Variants in DLEU7 observed in about 807,000 individuals in gnomAD.
The protein encoded by DLEU7 is leukemia-associated protein 7.
Under a neutral mutation model 16.0 loss-of-function variants are expected in DLEU7, and 17 were observed. The observed-to-expected ratio is 1.06, with a 90% CI of 0.73 to 1.59. The LOEUF is 1.59. Among genes scored for constraint, DLEU7 ranks in the 40% most tolerant of loss-of-function variants. The pLI, the probability that DLEU7 is intolerant of heterozygous loss-of-function variation, is 0.00. For missense variants in DLEU7, 308 were observed against 314.9 expected (o/e 0.98, Z 0.17); for synonymous variants, 113 against 139.8 (o/e 0.81, Z 1.35).
intron 1 of DLEU7, among the ~76,000 whole-genome samples, chr13:50,806,096 T>C (rs1380704383): frequency 6.6e-6 from 1 of 152,190 alleles, no homozygotes; most frequent in Non-Finnish European, 1.5e-5. Flanking sequence ...GCATCTTCAC[T>C]CTGGTACTTC....
chr13:50,717,312 G>A (rs1327903023), intron 1 of DLEU7, among the ~76,000 whole-genome samples: 1 of 152,186 alleles, frequency 6.6e-6, no homozygotes, highest in Non-Finnish European at 1.5e-5. Context: ...GACACAGATG[G>A]TAAGTGGAAA....
chr13:50,817,114 GT>G (rs950924047), intron 1 of DLEU7, among the ~76,000 whole-genome samples: 7 of 151,630 alleles, frequency 4.6e-5, no homozygotes, highest in African/African-American at 1.7e-4. Flanking sequence ...TTTTGTAATG[GT>G]TTTTTTTAAG....
At chr13:50,758,025 A>ATTTTTTTTTTTTTT (rs5803530) in intron 1 of DLEU7, among the ~76,000 whole-genome samples, 1 of 89,108 alleles carries the variant, frequency 1.1e-5, no homozygotes, top group Non-Finnish European at 2.1e-5. Flanking sequence ...CATTACCAAG[A>ATTTTTTTTTTTTTT]TTTTTTTTTT....
intron 1 of DLEU7, among the ~76,000 whole-genome samples, chr13:50,749,170 T>C (rs911859066): frequency 1.3e-5 from 2 of 152,106 alleles, no homozygotes; most frequent in Non-Finnish European, 2.9e-5. Flanking sequence ...TTACTTTACT[T>C]AGAATAATAG....
intron 1 of DLEU7, among the ~76,000 whole-genome samples, chr13:50,788,925 G>A (rs1229692726): frequency 6.6e-6 from 1 of 152,116 alleles, no homozygotes; most frequent in Non-Finnish European, 1.5e-5. Context: ...CCCAGAGCGG[G>A]AGCCTGGGTT....
intron 1 of DLEU7, among the ~76,000 whole-genome samples, chr13:50,770,815 G>A (rs1007609829): frequency 2.2e-4 from 33 of 152,108 alleles, no homozygotes; most frequent in African/African-American, 6.8e-4. Flanking sequence ...CTCTTTTTCT[G>A]TTGATTGGAA....
intron 1 of DLEU7, among the ~76,000 whole-genome samples, chr13:50,738,113 ACT>A (rs1480761853): frequency 5.3e-5 from 8 of 152,032 alleles, no homozygotes; most frequent in Non-Finnish European, 1.2e-4. Context: ...CAAGACCCTG[ACT>A]CTTTTCAATT....
chr13:50,841,869 T>TG (rs1877674909), intron 1 of DLEU7, among the ~76,000 whole-genome samples: 1 of 152,198 alleles, frequency 6.6e-6, no homozygotes, highest in Non-Finnish European at 1.5e-5. Context: ...GGAGAGCATT[T>TG]GGTGAAATGC....
At chr13:50,738,330 A>G (rs1195099348) in intron 1 of DLEU7, among the ~76,000 whole-genome samples, 1 of 152,224 alleles carries the variant, frequency 6.6e-6, no homozygotes, top group Non-Finnish European at 1.5e-5. Flanking sequence ...AACCACTGCC[A>G]TTGTTTCAAA....
chr13:50,781,420 A>G (rs1417873257), intron 1 of DLEU7, among the ~76,000 whole-genome samples: 3 of 152,210 alleles, frequency 2.0e-5, no homozygotes, highest in Non-Finnish European at 4.4e-5. Flanking sequence ...AGCAAATACC[A>G]TCTTAGTAAC....
exon 2 of DLEU7, chr13:50,712,554 T>G (rs1415261848): frequency 6.5e-6 from 1 of 152,700 alleles, no homozygotes; most frequent in Non-Finnish European, 1.5e-5. Flanking sequence ...TTGGATTTAC[T>G]ATTTCACTTG....
intron 1 of DLEU7, among the ~76,000 whole-genome samples, chr13:50,750,808 C>T (rs1267419064): frequency 6.6e-6 from 1 of 152,142 alleles, no homozygotes; most frequent in Non-Finnish European, 1.5e-5. Context: ...AGAAACTTTG[C>T]TGAATTATCA....
intron 1 of DLEU7, among the ~76,000 whole-genome samples, chr13:50,830,713 T>C (rs528481632): frequency 7.2e-5 from 11 of 152,328 alleles, no homozygotes; most frequent in African/African-American, 2.6e-4. Context: ...TTTTAGCACA[T>C]ATCTGCCCTG....
chr13:50,794,973 A>G (rs567609963), intron 1 of DLEU7, among the ~76,000 whole-genome samples: 14 of 151,756 alleles, frequency 9.2e-5, no homozygotes, highest in Non-Finnish European at 1.9e-4. Flanking sequence ...TATTACAACA[A>G]AATTACTTGG....
At chr13:50,718,146 A>G (rs752889010) in intron 1 of DLEU7, among the ~76,000 whole-genome samples, 1 of 152,224 alleles carries the variant, frequency 6.6e-6, no homozygotes. Context: ...ATTTAAATGT[A>G]TCAATGTGCT....
intron 1 of DLEU7, among the ~76,000 whole-genome samples, chr13:50,804,963 A>G (rs1876350074): frequency 6.6e-6 from 1 of 152,006 alleles, no homozygotes; most frequent in Non-Finnish European, 1.5e-5. Flanking sequence ...TTTTTATATA[A>G]TAAAATTTTT....
At position 50,843,547 on chromosome 13, in the gene DLEU7, G is replaced by T; in HGVS notation, c.100C>A (p.Pro34Thr). Residue 34 changes from proline (P) to threonine (T), a missense_variant, in exon 1 of 2, where the codon CCA becomes ACA. Transcript: ENST00000504404. The surrounding 1 kb of genome is among the most constrained non-coding windows in gnomAD (Gnocchi z 5.7). ...LQQEWGWGDG[P>T]VAPGNPRDPD... ...TCCCGCGGGTTCCCGGGGGCGACTG[G>T]ACCGTCCCCCCAGCCCCACTCCTGC... The T allele has an allele frequency of 1.4e-6, 2 of 1,460,830 alleles. No individual in the cohort carries two copies. Among genetic ancestry groups the T allele is most frequent in the African/African-American group, 1.5e-5 (1 of 66,958 alleles). 90.5% of individuals were successfully genotyped at this position (1,460,830 alleles called of 1,614,324 possible).
At chr13:50,788,872 A>C (rs1875866626) in intron 1 of DLEU7, among the ~76,000 whole-genome samples, 1 of 152,152 alleles carries the variant, frequency 6.6e-6, no homozygotes, top group African/African-American at 2.4e-5. Context: ...TGGGACTGTG[A>C]AAGTAGCCAC....
At chr13:50,739,373 T>A (rs1400182167) in intron 1 of DLEU7, among the ~76,000 whole-genome samples, 1 of 152,172 alleles carries the variant, frequency 6.6e-6, no homozygotes, top group Non-Finnish European at 1.5e-5. Flanking sequence ...ATTCAATAAA[T>A]GTTTGTTGAC....
Sources: allele counts gnomAD v4.1 joint callset (sites outside exome capture counted in the v4.1 genomes callset), GRCh38; gene constraint gnomAD v4.1.1; non-coding constraint Gnocchi (gnomAD v3.1); transcripts MANE v1.5; gene names NCBI Gene and HGNC (gene_info 2026-07-23, HGNC 2026-07-21).